ADAMTSL1: variants seen among roughly 807,000 people sequenced by gnomAD.
ADAMTSL1 encodes the protein ADAMTS like 1, also known as ADAMTS-like protein 1.
A neutral mutation model predicts 201.8 loss-of-function variants in ADAMTSL1; 126 were observed. The observed-to-expected ratio is 0.62, with a 90% CI of 0.54 to 0.72. The LOEUF (loss-of-function observed/expected upper bound fraction) is 0.72. Among genes scored for constraint, ADAMTSL1 ranks in the 30% least tolerant of loss-of-function variants. The pLI is 0.00. For missense variants in ADAMTSL1, 2,679 were observed against 2,277.8 expected (o/e 1.18, Z -3.59); for synonymous variants, 1,121 against 903.4 (o/e 1.24, Z -4.32).
chr9:17,980,226 G>A (rs561298202), intron 1 of ADAMTSL1, among the ~76,000 whole-genome samples: 1 of 152,030 alleles, frequency 6.6e-6, no homozygotes, highest in African/African-American at 2.4e-5. Flanking sequence ...ATCTTGTGAA[G>A]GTAGTTTTGC....
At chr9:18,676,009 T>C in intron 10 of ADAMTSL1, 102 bp downstream of exon 10, 1 of 1,159,322 alleles carries the variant, frequency 8.6e-7, no homozygotes, top group Non-Finnish European at 1.3e-6. Context: ...AGAGATTATA[T>C]GTTTTTAAGA....
chr9:18,489,172 T>C (rs1165422451), intron 1 of ADAMTSL1, among the ~76,000 whole-genome samples: 2 of 152,180 alleles, frequency 1.3e-5, no homozygotes, highest in African/African-American at 4.8e-5. Flanking sequence ...ACTGATCTAA[T>C]TGAATATTTA....
chr9:18,142,962 G>C (rs1321788545), intron 1 of ADAMTSL1, among the ~76,000 whole-genome samples: 1 of 152,182 alleles, frequency 6.6e-6, no homozygotes, highest in African/African-American at 2.4e-5. Context: ...AGATGAACTA[G>C]TGTACATGAA....
intron 20 of ADAMTSL1, among the ~76,000 whole-genome samples, chr9:18,797,861 T>C: frequency 6.6e-6 from 1 of 152,206 alleles, no homozygotes; most frequent in East Asian, 1.9e-4. Context: ...TCTCTAGCTC[T>C]TCTAGAGTGA....
intron 2 of ADAMTSL1, among the ~76,000 whole-genome samples, chr9:18,276,234 A>G (rs1288765369): frequency 6.6e-6 from 1 of 152,084 alleles, no homozygotes; most frequent in African/African-American, 2.4e-5. Context: ...TTCATTAAAT[A>G]TTTTAGAAAA....
chr9:17,996,580 C>A (rs1187593254), intron 1 of ADAMTSL1, among the ~76,000 whole-genome samples: 1 of 152,024 alleles, frequency 6.6e-6, no homozygotes, highest in Non-Finnish European at 1.5e-5. Flanking sequence ...CAGAGTGCTA[C>A]TTAATGTTCT....
intron 1 of ADAMTSL1, among the ~76,000 whole-genome samples, chr9:17,929,285 AAAAAGCTTTTTT>A (rs1289516002): frequency 6.6e-6 from 1 of 151,904 alleles, no homozygotes; most frequent in Non-Finnish European, 1.5e-5. Flanking sequence ...TCACCTCCCA[AAAAAGCTTTTTT>A]AGACATTTTA....
intron 14 of ADAMTSL1, among the ~76,000 whole-genome samples, chr9:18,710,291 A>G (rs555275855): frequency 5.3e-4 from 81 of 152,256 alleles, no homozygotes; most frequent in Non-Finnish European, 1.1e-3. Flanking sequence ...TTGAGTGTTG[A>G]CCACAGGGCT....
At chr9:17,932,813 A>G (rs1412534680) in intron 1 of ADAMTSL1, among the ~76,000 whole-genome samples, 1 of 152,170 alleles carries the variant, frequency 6.6e-6, no homozygotes, top group East Asian at 1.9e-4. Context: ...ATAAAAGTCA[A>G]TTGCAAGCAC....
chr9:18,626,832 ACTTT>A (rs1564099437), intron 5 of ADAMTSL1, among the ~76,000 whole-genome samples: 1 of 128,474 alleles, frequency 7.8e-6, no homozygotes, highest in East Asian at 2.0e-4. Flanking sequence ...TTTCTTTCTT[ACTTT>A]CTTTTTCTTT....
chr9:18,555,387 T>A (rs907816302), intron 3 of ADAMTSL1, among the ~76,000 whole-genome samples: 15 of 151,986 alleles, frequency 9.9e-5, no homozygotes, highest in African/African-American at 3.6e-4. Flanking sequence ...AACAATTTTT[T>A]AAATTTTTAT....
chr9:18,119,173 T>A (rs1006934642), intron 1 of ADAMTSL1, among the ~76,000 whole-genome samples: 1 of 152,210 alleles, frequency 6.6e-6, no homozygotes, highest in African/African-American at 2.4e-5. Flanking sequence ...GAAAACATGA[T>A]GTAAGAAGTT....
chr9:18,417,701 TCTAA>T (rs749947147), intron 2 of ADAMTSL1, among the ~76,000 whole-genome samples: 19 of 152,294 alleles, frequency 1.2e-4, no homozygotes, highest in Admixed American at 2.0e-4. Context: ...TGAGTAGTCC[TCTAA>T]CTATTTTAAA....
At chr9:18,211,326 A>AT (rs1454713949) in intron 2 of ADAMTSL1, among the ~76,000 whole-genome samples, 1 of 151,904 alleles carries the variant, frequency 6.6e-6, no homozygotes, top group African/African-American at 2.4e-5. Context: ...GCCCCCCTCC[A>AT]TTTTTTCCCT....
chr9:18,108,548 T>G (rs1351320785), intron 1 of ADAMTSL1, among the ~76,000 whole-genome samples: 1 of 152,042 alleles, frequency 6.6e-6, no homozygotes, highest in Non-Finnish European at 1.5e-5. Flanking sequence ...CAGAGAAGGT[T>G]AAAATACAAA....
At chr9:18,461,775 A>T (rs918654746) in intron 2 of ADAMTSL1, among the ~76,000 whole-genome samples, 3 of 152,196 alleles carry the variant, frequency 2.0e-5, no homozygotes, top group African/African-American at 7.2e-5. Context: ...GTCGACACAA[A>T]GAAATATCAT....
chr9:18,700,228 A>G (rs1486711426), intron 13 of ADAMTSL1, among the ~76,000 whole-genome samples: 2 of 152,194 alleles, frequency 1.3e-5, no homozygotes, highest in Non-Finnish European at 2.9e-5. Flanking sequence ...AAAATTCCTA[A>G]AGTGATTCAA....
chr9:18,467,839 C>G (rs1324986222), intron 2 of ADAMTSL1, among the ~76,000 whole-genome samples: 1 of 152,128 alleles, frequency 6.6e-6, no homozygotes, highest in Non-Finnish European at 1.5e-5. Flanking sequence ...GAATGCCAAG[C>G]TGAGGAATTT....
chr9:18,714,134 A>G (rs1023097896), intron 14 of ADAMTSL1, among the ~76,000 whole-genome samples: 6 of 152,254 alleles, frequency 3.9e-5, no homozygotes, highest in African/African-American at 1.4e-4. Flanking sequence ...CTAAATGCCC[A>G]CAAGAGAAAG....
Sources: gnomAD v4.1 joint callset for allele counts (sites outside exome capture counted in the v4.1 genomes callset) on GRCh38, gnomAD v4.1.1 for gene constraint, MANE v1.5 for transcripts, NCBI Gene and HGNC (gene_info 2026-07-23, HGNC 2026-07-21) for gene names.